Variants in CLRN1 observed in about 807,000 individuals in gnomAD.
The protein encoded by CLRN1 is clarin 1, also known as clarin-1.
In CLRN1, 15 loss-of-function variants were observed where a neutral mutation model predicts 18.7. The ratio of observed to expected loss-of-function variants is 0.80; its 90% CI spans 0.54 to 1.23. The LOEUF (loss-of-function observed/expected upper bound fraction) is 1.23. Among genes scored for constraint, CLRN1 ranks in the 50% most tolerant of loss-of-function variants. CLRN1 has a pLI of 0.00. For missense variants in CLRN1, 311 were observed against 277.5 expected, an observed-to-expected ratio of 1.12 and a Z score of -0.86; for synonymous variants, 104 against 102.9, an observed-to-expected ratio of 1.01 and a Z score of -0.07.
At chr3:150,936,417 T>G (rs551849986) in intron 2 of CLRN1, among the ~76,000 whole-genome samples, 1 of 152,282 alleles carries the variant, frequency 6.6e-6, no homozygotes, top group East Asian at 1.9e-4. Context: ...GTGCCCCAAA[T>G]GGAACACATG....
intron 1 of CLRN1, among the ~76,000 whole-genome samples, chr3:150,969,847 A>G (rs1332907493): frequency 1.3e-5 from 2 of 152,016 alleles, no homozygotes; most frequent in Non-Finnish European, 2.9e-5. Flanking sequence ...ATGGTGGTGC[A>G]CGCCTGTAGT....
intron 1 of CLRN1, among the ~76,000 whole-genome samples, chr3:150,951,601 G>T (rs1714487206): frequency 6.6e-6 from 1 of 152,172 alleles, no homozygotes; most frequent in Non-Finnish European, 1.5e-5. Context: ...GCCTCCCAAA[G>T]TGCTGAGATT....
intron 1 of CLRN1, among the ~76,000 whole-genome samples, chr3:150,960,044 C>T (rs1714949448): frequency 6.6e-6 from 1 of 152,162 alleles, no homozygotes; most frequent in South Asian, 2.1e-4. Flanking sequence ...TGAGCGGCAG[C>T]ATGGCGGGTT....
intron 2 of CLRN1, among the ~76,000 whole-genome samples, chr3:150,931,743 C>A (rs1713159027): frequency 2.6e-5 from 4 of 152,198 alleles, no homozygotes; most frequent in Admixed American, 2.6e-4. Flanking sequence ...ACGGTAGGAT[C>A]AGTCCTACAT....
At chr3:150,935,794 T>G (rs1247785935) in intron 2 of CLRN1, among the ~76,000 whole-genome samples, 2 of 141,030 alleles carry the variant, frequency 1.4e-5, no homozygotes, top group Non-Finnish European at 3.1e-5. Context: ...CTCCAGATCC[T>G]CTCCAGCACC....
intron 1 of CLRN1, chr3:150,943,803 G>T (rs1713998743): frequency 6.2e-7 from 1 of 1,614,106 alleles, no homozygotes; most frequent in South Asian, 1.1e-5. Flanking sequence ...GGGCCCTGGG[G>T]TTGCAGGCAC....
At chr3:150,936,403 C>T (rs1053964034) in intron 2 of CLRN1, among the ~76,000 whole-genome samples, 5 of 152,154 alleles carry the variant, frequency 3.3e-5, no homozygotes, top group South Asian at 2.1e-4. Flanking sequence ...AACTCAGACT[C>T]GATGTGCCCC....
At chr3:150,936,760 A>G (rs1713513471) in intron 2 of CLRN1, among the ~76,000 whole-genome samples, 1 of 152,162 alleles carries the variant, frequency 6.6e-6, no homozygotes, top group African/African-American at 2.4e-5. Context: ...ACTGGTATCA[A>G]CTGATCTCTC....
intron 2 of CLRN1, among the ~76,000 whole-genome samples, chr3:150,936,290 G>A (rs561641773): frequency 1.8e-4 from 28 of 152,130 alleles, no homozygotes; most frequent in African/African-American, 5.5e-4. Context: ...ATCTATATCC[G>A]AATAATGCCC....
At chr3:150,962,127 G>C (rs1442100995) in intron 1 of CLRN1, among the ~76,000 whole-genome samples, 1 of 152,130 alleles carries the variant, frequency 6.6e-6, no homozygotes, top group African/African-American at 2.4e-5. Flanking sequence ...CTGATAACAG[G>C]ACCCATTTAA....
At chr3:150,950,269 A>G (rs1057038522) in intron 1 of CLRN1, among the ~76,000 whole-genome samples, 1 of 152,236 alleles carries the variant, frequency 6.6e-6, no homozygotes, top group Non-Finnish European at 1.5e-5. Flanking sequence ...TTTCATGACA[A>G]AGACACCAAA....
intron 1 of CLRN1, among the ~76,000 whole-genome samples, chr3:150,970,318 A>G (rs115332224): frequency 0.029 from 4,433 of 152,274 alleles, 209 homozygotes; most frequent in African/African-American, 0.098. Context: ...AACGTGAACC[A>G]CAAAGCTGCG....
chr3:150,953,288 G>A (rs16863097), intron 1 of CLRN1, among the ~76,000 whole-genome samples: 24,953 of 152,028 alleles, frequency 0.16, 2,379 homozygotes, highest in East Asian at 0.35. Flanking sequence ...ACACACAGCC[G>A]ATGCCACGTT....
At position 150,948,439 on chromosome 3, in the gene CLRN1, G is replaced by T. The variant is rs546369842; in HGVS notation, c.254-6678C>A. 1.8e-3 allele frequency among the ~76,000 whole-genome samples: 243 copies of T among 134,394 alleles called. 1 individual carries two copies. The highest frequency in any genetic ancestry group is 6.2e-3 in the African/African-American group (223 of 36,096). The allele number at this position is 134,394 out of a possible 152,430, so 88.2% of individuals were successfully genotyped here. ...GCGGAGCTTGCAGTGAGCCGAGATC[G>T]CGCCACTGCACTCCAGCCTGGGCGA... On this transcript the variant is annotated intron_variant, in intron 1 of 2. Transcript: ENST00000327047.
intron 1 of CLRN1, chr3:150,945,454 A>C: frequency 4.0e-6 from 5 of 1,236,600 alleles, no homozygotes; most frequent in South Asian, 1.3e-5. Flanking sequence ...GGGGGCCAGG[A>C]GAGAAAGTTT....
intron 1 of CLRN1, among the ~76,000 whole-genome samples, chr3:150,957,805 T>A (rs548062947): frequency 2.0e-5 from 3 of 152,092 alleles, no homozygotes; most frequent in African/African-American, 7.2e-5. Flanking sequence ...TACAAGTGTG[T>A]GCCACCACGC....
Position 150,941,812 on chromosome 3 carries a change from T to C in CLRN1, c.254-51A>G, listed in dbSNP as rs577105599. 1.2e-4 allele frequency: 180 copies of C among 1,485,076 alleles called. 3 individuals are homozygous for C. The South Asian group carries it at 2.1e-3, about 17-fold the overall frequency. 92.0% of individuals were successfully genotyped at this position (1,485,076 alleles called of 1,614,324 possible). ...AGAAGAAGTTTCATTAGCAGTAGTC[T>C]GCAAGTATAATTTTAAAAATCAAAT... is the stretch of plus-strand genomic sequence containing the variant. On this transcript the variant is annotated intron_variant, in intron 1 of 2. Coordinates refer to ENST00000327047, the MANE Select transcript of CLRN1 (RefSeq NM_174878.3).
chr3:150,951,955 T>TTA (rs1160272335), intron 1 of CLRN1, among the ~76,000 whole-genome samples: 4 of 152,158 alleles, frequency 2.6e-5, no homozygotes, highest in African/African-American at 9.7e-5. Context: ...ACACTGGGGA[T>TTA]TACGATTCGA....
intron 2 of CLRN1, among the ~76,000 whole-genome samples, chr3:150,931,894 C>T (rs997556430): frequency 6.6e-6 from 1 of 152,188 alleles, no homozygotes; most frequent in Non-Finnish European, 1.5e-5. Flanking sequence ...TAAGCCAGGA[C>T]TGTGGAAATC....
Sources: allele counts gnomAD v4.1 joint callset (sites outside exome capture counted in the v4.1 genomes callset), GRCh38; gene constraint gnomAD v4.1.1; transcripts MANE v1.5; gene names NCBI Gene and HGNC (gene_info 2026-07-23, HGNC 2026-07-21).